The following C8orf34 variants were observed in gnomAD, a reference collection of about 807,000 sequenced individuals.
The protein encoded by C8orf34 is chromosome 8 open reading frame 34, also known as uncharacterized protein C8orf34.
In C8orf34, 65 loss-of-function variants were observed where a neutral mutation model predicts 68.3. That is an observed-to-expected ratio of 0.95 (90% CI 0.78 to 1.17). The LOEUF (loss-of-function observed/expected upper bound fraction) is 1.17. Ranked by LOEUF, C8orf34 falls within the 50% of genes most tolerant of loss-of-function variation. The pLI, the probability that C8orf34 is intolerant of heterozygous loss-of-function variation, is 0.00. For synonymous variants in C8orf34, 244 were observed against 241.2 expected, an observed-to-expected ratio of 1.01 and a Z score of -0.11; for missense variants, 664 against 655.4, an observed-to-expected ratio of 1.01 and a Z score of -0.14.
At chr8:68,797,551 A>AG (rs111859110) in intron 12 of C8orf34, among the ~76,000 whole-genome samples, 4 of 151,996 alleles carry the variant, frequency 2.6e-5, no homozygotes, top group African/African-American at 9.7e-5. Flanking sequence ...TTAAAAAAAA[A>AG]AAAGTTTCTT....
Position 68,815,964 on chromosome 8 carries a change from C to T in C8orf34, c.1609+19C>T. On this transcript the variant is annotated intron_variant, in intron 13 of 13. Coordinates refer to ENST00000518698, the MANE Select transcript of C8orf34 (RefSeq NM_052958.4). ...TACTCTGGTATGTTTGCTCAGGGCA[C>T]TTAATATCGATGTCGGGTAATGGCG... is the stretch of plus-strand genomic sequence containing the variant. 6.2e-7 allele frequency: 1 copy of T among 1,613,590 alleles called. No homozygotes were observed. Among genetic ancestry groups the T allele is most frequent in the Non-Finnish European group, 8.5e-7 (1 of 1,179,638 alleles).
chr8:68,398,550 TGATA>T (rs1808813816), intron 1 of C8orf34, among the ~76,000 whole-genome samples: 2 of 152,158 alleles, frequency 1.3e-5, no homozygotes, highest in Admixed American at 6.6e-5. Flanking sequence ...CTATTTGAAA[TGATA>T]GATATGTTAA....
chr8:68,756,687 A>T (rs1468414985), intron 10 of C8orf34, among the ~76,000 whole-genome samples: 1 of 152,174 alleles, frequency 6.6e-6, no homozygotes, highest in Non-Finnish European at 1.5e-5. Flanking sequence ...CTGATTTATA[A>T]ATTGGAAAAA....
intron 1 of C8orf34, among the ~76,000 whole-genome samples, chr8:68,407,748 AT>A (rs938435250): frequency 3.4e-4 from 52 of 151,544 alleles, no homozygotes; most frequent in African/African-American, 1.2e-3. Context: ...ATACTTTCCC[AT>A]TTTTTTTGTT....
intron 7 of C8orf34, among the ~76,000 whole-genome samples, chr8:68,553,405 A>AAAAGC (rs1554577326): frequency 1.4e-5 from 2 of 141,098 alleles, no homozygotes; most frequent in Non-Finnish European, 3.0e-5. Context: ...AAAAAAAAAA[A>AAAAGC]AAAAACATAT....
At chr8:68,574,342 T>C (rs1320572623) in intron 7 of C8orf34, among the ~76,000 whole-genome samples, 1 of 152,096 alleles carries the variant, frequency 6.6e-6, no homozygotes, top group African/African-American at 2.4e-5. Context: ...CTATGTGATA[T>C]GCTCTGAACC....
chr8:68,575,462 G>A (rs1002425499), intron 7 of C8orf34, among the ~76,000 whole-genome samples: 1 of 151,894 alleles, frequency 6.6e-6, no homozygotes, highest in African/African-American at 2.4e-5. Flanking sequence ...CTGCCTACTC[G>A]TGTTTTCAAA....
chr8:68,700,686 G>C (rs1820989018), intron 8 of C8orf34, among the ~76,000 whole-genome samples: 1 of 152,066 alleles, frequency 6.6e-6, no homozygotes, highest in Non-Finnish European at 1.5e-5. Flanking sequence ...AATACAAGTG[G>C]TCTCATGCCA....
At chr8:68,561,342 A>G (rs1023747060) in intron 7 of C8orf34, among the ~76,000 whole-genome samples, 13 of 149,696 alleles carry the variant, frequency 8.7e-5, no homozygotes, top group African/African-American at 3.3e-4. Context: ...CTTAAAACGC[A>G]AACACATTAT....
chr8:68,532,385 C>A (rs948115006), intron 6 of C8orf34, among the ~76,000 whole-genome samples: 8 of 152,004 alleles, frequency 5.3e-5, no homozygotes, highest in African/African-American at 1.9e-4. Flanking sequence ...AAACAGTCTG[C>A]TGAATGTGGT....
intron 7 of C8orf34, among the ~76,000 whole-genome samples, chr8:68,616,574 T>G (rs1818222378): frequency 6.6e-6 from 1 of 152,214 alleles, no homozygotes; most frequent in Non-Finnish European, 1.5e-5. Context: ...GAGCAGGTTG[T>G]TCAGTTTCCA....
chr8:68,800,842 C>G (rs1824308183), intron 12 of C8orf34, among the ~76,000 whole-genome samples: 1 of 152,200 alleles, frequency 6.6e-6, no homozygotes, highest in Admixed American at 6.5e-5. Context: ...TTAGCACACT[C>G]TGCTTTCTAC....
Position 68,331,089 on chromosome 8 carries a change from C to T in C8orf34, c.77C>T (p.Ala26Val), listed in dbSNP as rs924185080. ...GGCTTCCGGCTCTCAGCGCCCCACG[C>T]GCGCGTGGCTCCCCGGGCTGCCACC... ...RPGFRLSAPH[A>V]RVAPRAATHA... The change falls in exon 1 of 14, where the codon GCG (alanine) becomes GTG (valine). Residue 26 changes from alanine to valine, a missense_variant. Coordinates refer to ENST00000518698, the MANE Select transcript of C8orf34 (RefSeq NM_052958.4). 7 of 1,490,172 alleles carry T rather than the reference C, an allele frequency of 4.7e-6. No individual in the cohort carries two copies. Among genetic ancestry groups the T allele is most frequent in the Admixed American group, 2.3e-5 (1 of 42,674 alleles). 92.3% of individuals were successfully genotyped at this position (1,490,172 alleles called of 1,614,324 possible). A position where few individuals can be genotyped will look rare whatever the true frequency, so the allele number is the denominator to read the frequency against.
chr8:68,360,629 T>C (rs1383694148), intron 1 of C8orf34, among the ~76,000 whole-genome samples: 2 of 152,144 alleles, frequency 1.3e-5, no homozygotes, highest in African/African-American at 2.4e-5. Context: ...AACTATACAT[T>C]GTCCTCACAC....
At chr8:68,558,587 G>C (rs371346217) in intron 7 of C8orf34, among the ~76,000 whole-genome samples, 47 of 152,128 alleles carry the variant, frequency 3.1e-4, no homozygotes, top group African/African-American at 1.0e-3. Context: ...AAGAGAGAAA[G>C]AGATAGGGCG....
At chr8:68,337,679 A>T (rs1003717063) in intron 1 of C8orf34, among the ~76,000 whole-genome samples, 2 of 152,222 alleles carry the variant, frequency 1.3e-5, no homozygotes, top group African/African-American at 4.8e-5. Context: ...CTAGGGAATC[A>T]GTATTTGCAA....
intron 3 of C8orf34, among the ~76,000 whole-genome samples, chr8:68,464,090 A>G (rs1321679544): frequency 1.3e-5 from 2 of 152,348 alleles, no homozygotes; most frequent in African/African-American, 4.8e-5. Flanking sequence ...CAACTTCAGC[A>G]AAGTCTCAGG....
chr8:68,666,601 T>C (rs1019354380), intron 8 of C8orf34, among the ~76,000 whole-genome samples: 3 of 152,186 alleles, frequency 2.0e-5, no homozygotes, highest in Non-Finnish European at 4.4e-5. Flanking sequence ...CCACACAACA[T>C]AAGGAAGTGG....
chr8:68,405,082 C>T (rs1809134602), intron 1 of C8orf34, among the ~76,000 whole-genome samples: 1 of 152,160 alleles, frequency 6.6e-6, no homozygotes, highest in African/African-American at 2.4e-5. Context: ...AGGTCCTTCA[C>T]ATCCCTTGTA....
Sources: gnomAD v4.1 joint callset for allele counts (sites outside exome capture counted in the v4.1 genomes callset) on GRCh38, gnomAD v4.1.1 for gene constraint, MANE v1.5 for transcripts, NCBI Gene and HGNC (gene_info 2026-07-23, HGNC 2026-07-21) for gene names.